TMA7: variants seen among roughly 807,000 people sequenced by gnomAD.
TMA7 encodes translation machinery-associated protein 7.
Under a neutral mutation model 12.5 loss-of-function variants are expected in TMA7, and 5 were observed. That is an observed-to-expected ratio of 0.40 (90% CI 0.21 to 0.84). The LOEUF (loss-of-function observed/expected upper bound fraction) is 0.84. TMA7 is among the 40% of genes least tolerant of loss of function. The pLI, the probability that TMA7 is intolerant of heterozygous loss-of-function variation, is 0.36. For missense variants in TMA7, 71 were observed against 75.4 expected, an observed-to-expected ratio of 0.94 and a Z score of 0.22; for synonymous variants, 36 against 28.1, an observed-to-expected ratio of 1.28 and a Z score of -0.89.
At position 48,441,992 on chromosome 3, in the gene TMA7, G is replaced by C. The variant is rs555090457; in HGVS notation, c.160+1364G>C. 2.6e-5 allele frequency among the ~76,000 whole-genome samples: 4 copies of C among 151,708 alleles called. No individual in the cohort carries two copies. In the South Asian group the frequency reaches 8.4e-4, roughly 32 times the overall value. On this transcript the variant is annotated intron_variant, in intron 3 of 3. Coordinates refer to ENST00000438607, the MANE Select transcript of TMA7 (RefSeq NM_015933.6). Reference sequence around the variant, plus strand: ...GGGCTGACCATAATCCAAGTGCTTTGGGAGGCCTAAGCAGGAGGATTATTT... The same window carrying C: ...GGGCTGACCATAATCCAAGTGCTTTCGGAGGCCTAAGCAGGAGGATTATTT...
rs890204485 is a variant in TMA7 at position 48,440,633 on chromosome 3, G to T, written c.160+5G>T. 6 of 1,610,150 alleles carry T rather than the reference G, an allele frequency of 3.7e-6. No homozygotes were observed. The highest frequency in any genetic ancestry group is 5.1e-6 in the Non-Finnish European group (6 of 1,179,142). On this transcript the variant is annotated splice_donor_5th_base_variant and intron_variant, in intron 3 of 3. Transcript: ENST00000438607. Reference sequence around the variant, plus strand: ...CCGCGGGGAAGGGGCCCTTGGGTAAGTGGGGGCCGAATGGAGCTCAAGCTG... The same window carrying T: ...CCGCGGGGAAGGGGCCCTTGGGTAATTGGGGGCCGAATGGAGCTCAAGCTG...
At chr3:48,442,472 T>A (rs944858221) in intron 3 of TMA7, among the ~76,000 whole-genome samples, 25 of 149,150 alleles carry the variant, frequency 1.7e-4, no homozygotes, top group East Asian at 5.9e-4. Flanking sequence ...TTTTTTTTTT[T>A]AAATAGTCTC....
intron 3 of TMA7, 137 bp downstream of exon 3, chr3:48,440,765 C>T (rs1575430082): frequency 1.3e-5 from 10 of 764,012 alleles, no homozygotes; most frequent in African/African-American, 3.5e-5. Flanking sequence ...CGAATGGTCT[C>T]TAGCCAGTCT....
At chr3:48,443,241 CAAAAAAAAAAAA>C (rs3082576) in intron 3 of TMA7, among the ~76,000 whole-genome samples, 7 of 70,538 alleles carry the variant, frequency 9.9e-5, no homozygotes, top group South Asian at 1.1e-3. Context: ...ACTCCATCTC[CAAAAAAAAAAAA>C]AAAAAAAAAA....
Position 48,440,325 on chromosome 3 carries a change from G to C in TMA7, c.16+13G>C, listed in dbSNP as rs534806553. On this transcript the variant is annotated intron_variant, in intron 1 of 3. Coordinates refer to ENST00000438607, the MANE Select transcript of TMA7 (RefSeq NM_015933.6). Reference sequence around the variant, plus strand: ...TCCGGCCGCGAAGGTAAGTGTTCCGGAACCGTGAGGACTGCGGGGACGGCG... The same window carrying C: ...TCCGGCCGCGAAGGTAAGTGTTCCGCAACCGTGAGGACTGCGGGGACGGCG... 6.2e-7 allele frequency: 1 copy of C among 1,611,536 alleles called. No homozygotes were observed. Among genetic ancestry groups the C allele is most frequent in the Non-Finnish European group, 8.5e-7 (1 of 1,179,528 alleles).
chr3:48,442,004 C>G (rs1009010615), intron 3 of TMA7, among the ~76,000 whole-genome samples: 2 of 144,246 alleles, frequency 1.4e-5, no homozygotes, highest in Admixed American at 1.4e-4. Context: ...GAGGCCTAAG[C>G]AGGAGGATTA....
chr3:48,440,373 G>A, intron 1 of TMA7, 30 bp from the exon 2 acceptor site: 1 of 1,611,748 alleles, frequency 6.2e-7, no homozygotes, highest in South Asian at 1.1e-5. Context: ...GGCGGCAGGG[G>A]CAGGCCGAAC....
rs368317980 is a variant in TMA7 at position 48,440,677 on chromosome 3, C to G, written c.160+49C>G. 8 of 1,550,590 alleles carry G rather than the reference C, an allele frequency of 5.2e-6. No individual in the cohort carries two copies. The South Asian group carries it at 9.2e-5, about 18-fold the overall frequency. On this transcript the variant is annotated intron_variant, in intron 3 of 3. Transcript: ENST00000438607. ...CAAGCTGGCCAAACGCTATGAGCAC[C>G]TATTGGGATGAGGGCGCGGGCATGT...
rs945114276 is a variant in TMA7, at chr3:48,443,969, C to T, written c.*87C>T. 5 of 966,688 alleles carry T rather than the reference C, an allele frequency of 5.2e-6. No individual in the cohort carries two copies. Among genetic ancestry groups the T allele is most frequent in the Non-Finnish European group, 5.7e-6 (4 of 704,202 alleles). The allele number at this position is 966,688 out of a possible 1,614,324, so 59.9% of individuals were successfully genotyped here. On this transcript the variant is annotated 3_prime_UTR_variant, in exon 4 of 4. Coordinates refer to ENST00000438607, the MANE Select transcript of TMA7 (RefSeq NM_015933.6). ...TTCCCTGCCATAACATCTTTTGCCA[C>T]GTATAGCTGGAATTAAGTGTTGTCT...
At position 48,440,306 on chromosome 3, in the gene TMA7, C is replaced by T. The variant is rs746595421; in HGVS notation, c.10C>T (p.Arg4Cys). Residue 4 changes from arginine to cysteine, a missense_variant, in exon 1 of 4, where the codon CGC becomes TGC. Transcript: ENST00000438607. ...AGCGGCGGCAGGCGCCATGTCCGGCCGCGAAGGTAAGTGTTCCGGAACCGT... is the reference window on the plus strand; with the variant it reads ...AGCGGCGGCAGGCGCCATGTCCGGCTGCGAAGGTAAGTGTTCCGGAACCGT... MSG[R>C]EGGKKKPLKQ... The T allele has an allele frequency of 1.4e-5, 23 of 1,607,746 alleles. No individual in the cohort carries two copies. Among genetic ancestry groups the T allele is most frequent in the Non-Finnish European group, 1.9e-5 (22 of 1,177,032 alleles).
In TMA7 at chr3:48,440,326, A is replaced by G. The variant is rs377181258; in HGVS notation, c.16+14A>G. The G allele has an allele frequency of 2.0e-5, 32 of 1,611,396 alleles. No individual in the cohort carries two copies. The African/African-American group carries it at 2.1e-4, about 11-fold the overall frequency. ...CCGGCCGCGAAGGTAAGTGTTCCGG[A>G]ACCGTGAGGACTGCGGGGACGGCGG... is the stretch of plus-strand genomic sequence containing the variant. On this transcript the variant is annotated intron_variant, in intron 1 of 3. Coordinates refer to ENST00000438607, the MANE Select transcript of TMA7 (RefSeq NM_015933.6).
At chr3:48,440,653 A>C in intron 3 of TMA7, 25 bp downstream of exon 3, 20 of 1,601,020 alleles carry the variant, frequency 1.2e-5, no homozygotes, top group East Asian at 2.2e-5. Flanking sequence ...AATGGAGCTC[A>C]AGCTGGCCAA....
At chr3:48,441,085 G>C in intron 3 of TMA7, 1 of 161,484 alleles carries the variant, frequency 6.2e-6, no homozygotes, top group Admixed American at 5.9e-5. Flanking sequence ...GCGTGATCCC[G>C]GCTCACTGCA....
In TMA7 at chr3:48,440,270, G is replaced by T; in HGVS notation, c.-27G>T. The stretch of plus-strand genomic sequence containing the variant: ...GGCAGACGCTCCGTTTCCGGTGGCA[G>T]GGTCTGGGGAAGCGGCGGCAGGCGC... On this transcript the variant is annotated 5_prime_UTR_variant, in exon 1 of 4. It adds an upstream start codon to the 5' untranslated region. Transcript: ENST00000438607. The T allele has an allele frequency of 6.3e-7, 1 of 1,589,270 alleles. No individual in the cohort carries two copies.
At chr3:48,441,250 TA>T (rs2039556784) in intron 3 of TMA7, among the ~76,000 whole-genome samples, 1 of 152,116 alleles carries the variant, frequency 6.6e-6, no homozygotes, top group South Asian at 2.1e-4. Flanking sequence ...TTCACCATCT[TA>T]GCCAGGCTGG....
rs776697669 is a variant in TMA7 at position 48,440,440 on chromosome 3, G to A, written c.54G>A (p.Gln18=). 1.2e-6 allele frequency: 2 copies of A among 1,612,558 alleles called. No individual in the cohort carries two copies. Among genetic ancestry groups the A allele is most frequent in the South Asian group, 1.1e-5 (1 of 91,042 alleles). ...KKKPLKQPKK[Q]AKEMDEEDKA... is the part of the protein sequence containing the mutation. ...AGCCACTGAAACAGCCCAAGAAGCA[G>A]GCCAAGGAGATGGACGAGGTGAGGG... is the stretch of plus-strand genomic sequence containing the variant. The change falls in exon 2 of 4, where the codon CAG becomes CAA. Residue 18 remains glutamine (Q), a synonymous_variant. Transcript: ENST00000438607.
At chr3:48,443,480 G>A (rs2039612392) in intron 3 of TMA7, among the ~76,000 whole-genome samples, 1 of 151,594 alleles carries the variant, frequency 6.6e-6, no homozygotes, top group African/African-American at 2.4e-5. Flanking sequence ...GTTGCAGTGA[G>A]CTGAGATCGT....
intron 1 of TMA7, 38 bp downstream of exon 1, chr3:48,440,350 G>C (rs759890874): frequency 4.4e-5 from 71 of 1,611,816 alleles, no homozygotes; most frequent in Non-Finnish European, 5.5e-5. Context: ...CGGGGACGGC[G>C]GGGTGGGGAC....
At chr3:48,441,344 A>C (rs1196506387) in intron 3 of TMA7, among the ~76,000 whole-genome samples, 2 of 151,118 alleles carry the variant, frequency 1.3e-5, no homozygotes, top group East Asian at 3.9e-4. Flanking sequence ...GCACCTGGCC[A>C]GTTTTTTTTT....
Sources: allele counts gnomAD v4.1 joint callset (sites outside exome capture counted in the v4.1 genomes callset), GRCh38; gene constraint gnomAD v4.1.1; transcripts MANE v1.5; gene names NCBI Gene and HGNC (gene_info 2026-07-23, HGNC 2026-07-21).